The following SEMA3A variants were observed in gnomAD, a reference collection of about 807,000 sequenced individuals.
SEMA3A encodes the protein semaphorin-3A.
SEMA3A carries 29 observed loss-of-function variants against 97.9 expected under a neutral mutation model. That is an observed-to-expected ratio of 0.30 (90% CI 0.22 to 0.40). SEMA3A has a LOEUF of 0.40. Ranked by LOEUF, SEMA3A falls within the 10% of genes least tolerant of loss-of-function variation. The probability of loss-of-function intolerance (pLI) is 1.00; values close to 1 mark genes in which losing one functional copy is unlikely to be tolerated. For synonymous variants in SEMA3A, 321 were observed against 323.7 expected (o/e 0.99, Z 0.09); for missense variants, 763 against 951.3 (o/e 0.80, Z 2.60).
intron 2 of SEMA3A, among the ~76,000 whole-genome samples, chr7:84,331,671 T>G (rs1801912542): frequency 6.6e-6 from 1 of 152,052 alleles, no homozygotes; most frequent in Non-Finnish European, 1.5e-5. Context: ...AAGACTAAAG[T>G]TTCACAGATC....
At chr7:84,113,020 G>T (rs898640387) in intron 3 of SEMA3A, among the ~76,000 whole-genome samples, 1 of 152,218 alleles carries the variant, frequency 6.6e-6, no homozygotes, top group Non-Finnish European at 1.5e-5. Context: ...TTGGCAGCAG[G>T]TTGTACTGTT....
At chr7:84,139,687 A>G (rs1796243591) in intron 1 of SEMA3A, among the ~76,000 whole-genome samples, 1 of 152,064 alleles carries the variant, frequency 6.6e-6, no homozygotes, top group African/African-American at 2.4e-5. Context: ...TTCAAGTAGC[A>G]GTGTTGTCAA....
Position 84,321,872 on chromosome 7 carries a change from G to GAAAAAAAAAAAAA in SEMA3A, c.-168-14593_-168-14581dup, listed in dbSNP as rs1156548285. On this transcript the variant is annotated intron_variant, in intron 2 of 3. Coordinates refer to the SEMA3A transcript ENST00000424555. ...GCCTGGCCGACAGAGCGAGACTACG[G>GAAAAAAAAAAAAA]AAAAAAAAAAAAAAAAAAAAAAAAA... Among the ~76,000 whole-genome samples, 15 of 12,044 alleles carry GAAAAAAAAAAAAA rather than the reference G, an allele frequency of 1.2e-3. 1 individual carries two copies. Among genetic ancestry groups the GAAAAAAAAAAAAA allele is most frequent in the Admixed American group, 2.5e-3 (2 of 804 alleles). 7.9% of individuals were successfully genotyped at this position (12,044 alleles called of 152,430 possible).
chr7:84,489,476 A>G (rs1016226599), intron 1 of SEMA3A, among the ~76,000 whole-genome samples: 2 of 151,162 alleles, frequency 1.3e-5, no homozygotes, highest in Non-Finnish European at 2.9e-5. Flanking sequence ...TAAATAAATC[A>G]TGGCATGTTT....
intron 15 of SEMA3A, among the ~76,000 whole-genome samples, chr7:83,969,840 G>A (rs1440868430): frequency 6.6e-6 from 1 of 152,110 alleles, no homozygotes; most frequent in Non-Finnish European, 1.5e-5. Context: ...AGAGAACTGA[G>A]AAGTCATATG....
At position 84,155,049 on chromosome 7, in the gene SEMA3A, A is replaced by T. The variant is rs146932882; in HGVS notation, c.113-20098T>A. On this transcript the variant is annotated intron_variant, in intron 1 of 16. Transcript: ENST00000265362. ...AGAGCTGTGGAATCCTTAAAATGAC[A>T]GTAGCTAATTTAATTCCATTTGTGT... is the stretch of plus-strand genomic sequence containing the variant. Among the ~76,000 whole-genome samples, 173 of 152,232 alleles carry T rather than the reference A, an allele frequency of 1.1e-3. 1 individual carries two copies. In the East Asian group the frequency reaches 0.013, roughly 11 times the overall value.
intron 15 of SEMA3A, among the ~76,000 whole-genome samples, chr7:83,969,356 C>A (rs1019164482): frequency 3.3e-5 from 5 of 151,702 alleles, no homozygotes; most frequent in Non-Finnish European, 7.4e-5. Flanking sequence ...TCTATATTGC[C>A]AAAAAAAATC....
At chr7:84,460,615 C>G (rs184546525) in intron 1 of SEMA3A, among the ~76,000 whole-genome samples, 1 of 152,010 alleles carries the variant, frequency 6.6e-6, no homozygotes, top group African/African-American at 2.4e-5. Context: ...TGTACAGTTC[C>G]CAGTCCACTG....
chr7:84,184,360 G>A (rs1360446559), intron 1 of SEMA3A, among the ~76,000 whole-genome samples: 1 of 152,158 alleles, frequency 6.6e-6, no homozygotes, highest in Non-Finnish European at 1.5e-5. Context: ...AGACTCTATT[G>A]AACACGGGGA....
At chr7:84,239,616 A>T (rs1210845911) in intron 3 of SEMA3A, among the ~76,000 whole-genome samples, 1 of 152,202 alleles carries the variant, frequency 6.6e-6, no homozygotes, top group African/African-American at 2.4e-5. Flanking sequence ...TATAGTTAGC[A>T]ATTTCTTTTT....
At chr7:84,059,349 C>T (rs1793123168) in intron 5 of SEMA3A, among the ~76,000 whole-genome samples, 1 of 152,074 alleles carries the variant, frequency 6.6e-6, no homozygotes, top group African/African-American at 2.4e-5. Context: ...CAATGGATTT[C>T]TTCTTAATAG....
intron 1 of SEMA3A, among the ~76,000 whole-genome samples, chr7:84,174,815 T>C (rs898905497): frequency 6.6e-6 from 1 of 152,202 alleles, no homozygotes; most frequent in African/African-American, 2.4e-5. Context: ...TTTCACTTTT[T>C]CAGAAGATTT....
intron 1 of SEMA3A, among the ~76,000 whole-genome samples, chr7:84,386,801 A>C (rs1237491655): frequency 6.6e-6 from 1 of 152,086 alleles, no homozygotes; most frequent in African/African-American, 2.4e-5. Context: ...GGAGTTCTAC[A>C]TCAGCCTGGC....
At chr7:83,991,747 T>C (rs1789950295) in intron 12 of SEMA3A, among the ~76,000 whole-genome samples, 1 of 147,318 alleles carries the variant, frequency 6.8e-6, no homozygotes, top group Non-Finnish European at 1.5e-5. Context: ...GATTTTTGCA[T>C]CAATGTTCAT....
intron 3 of SEMA3A, among the ~76,000 whole-genome samples, chr7:84,262,098 CTT>C (rs34361946): frequency 0.015 from 2,265 of 149,900 alleles, 67 homozygotes; most frequent in African/African-American, 0.05. Flanking sequence ...TTTAATGACA[CTT>C]TTTTTTTTTT....
intron 2 of SEMA3A, among the ~76,000 whole-genome samples, chr7:84,343,948 C>T (rs1802233420): frequency 1.3e-5 from 2 of 151,886 alleles, no homozygotes; most frequent in East Asian, 3.9e-4. Context: ...TGAGGCTTTG[C>T]AGTGAGCTAT....
At chr7:84,437,970 C>T (rs1242356708) in intron 1 of SEMA3A, among the ~76,000 whole-genome samples, 3 of 151,946 alleles carry the variant, frequency 2.0e-5, no homozygotes, top group Non-Finnish European at 4.4e-5. Context: ...TTTTACAGAA[C>T]ATGAAACTTG....
chr7:84,452,816 A>C (rs1248582521), intron 1 of SEMA3A, among the ~76,000 whole-genome samples: 2 of 152,098 alleles, frequency 1.3e-5, no homozygotes, highest in Non-Finnish European at 2.9e-5. Context: ...CATTGACCAG[A>C]GGTGTCATTT....
chr7:84,419,118 GT>G (rs1354098164), intron 1 of SEMA3A, among the ~76,000 whole-genome samples: 2 of 152,056 alleles, frequency 1.3e-5, no homozygotes, highest in African/African-American at 2.4e-5. Context: ...TAGTTGGTCA[GT>G]TAAGGTGGAA....
Sources: allele counts gnomAD v4.1 joint callset (sites outside exome capture counted in the v4.1 genomes callset), GRCh38; gene constraint gnomAD v4.1.1; transcripts MANE v1.5; gene names NCBI Gene and HGNC (gene_info 2026-07-23, HGNC 2026-07-21).